The following SYCE1L variants were observed in gnomAD, a reference collection of about 807,000 sequenced individuals.
The protein encoded by SYCE1L is synaptonemal complex central element protein 1 like.
SYCE1L carries 51 observed loss-of-function variants against 39.6 expected under a neutral mutation model. The ratio of observed to expected loss-of-function variants is 1.29; its 90% CI spans 1.03 to 1.63. The LOEUF (loss-of-function observed/expected upper bound fraction) is 1.63, where lower values mean the gene tolerates loss of function less well. Ranked by LOEUF, SYCE1L falls within the 40% of genes most tolerant of loss-of-function variation. SYCE1L has a pLI of 0.00. For synonymous variants in SYCE1L, 147 were observed against 122.4 expected (o/e 1.20, Z -1.33); for missense variants, 426 against 304.9 (o/e 1.40, Z -2.96).
chr16:77,207,873 C>A (rs745679787), intron 2 of SYCE1L, among the ~76,000 whole-genome samples: 2 of 152,164 alleles, frequency 1.3e-5, no homozygotes, highest in Non-Finnish European at 2.9e-5. Flanking sequence ...CTCTTTACCC[C>A]CACAGAACTG....
At chr16:77,205,433 A>AATATATATATATATATATATATATAT (rs145238524) in intron 1 of SYCE1L, among the ~76,000 whole-genome samples, 1 of 145,260 alleles carries the variant, frequency 6.9e-6, no homozygotes, top group Non-Finnish European at 1.5e-5. Context: ...CATAGAAGTA[A>AATATATATATATATATATATATATAT]ATATATATAT....
intron 1 of SYCE1L, chr16:77,202,065 C>G (rs1359647015): frequency 1.3e-5 from 2 of 151,894 alleles, no homozygotes; most frequent in Non-Finnish European, 2.9e-5. Flanking sequence ...ATTTTTTCTT[C>G]TAGAAAAATG....
In SYCE1L at chr16:77,199,449, A is replaced by T; in HGVS notation, c.-3A>T. 8 of 1,551,456 alleles carry T rather than the reference A, an allele frequency of 5.2e-6. No individual in the cohort carries two copies. Among genetic ancestry groups the T allele is most frequent in the Non-Finnish European group, 7.0e-6 (8 of 1,146,916 alleles). On this transcript the variant is annotated 5_prime_UTR_variant, in exon 1 of 11. Coordinates refer to ENST00000378644, the MANE Select transcript of SYCE1L (RefSeq NM_001129979.3). ...GGCTCGCGCGCAGGCCCCGCGTTGGAAAATGGCGGGGAAGCTGAAACCTCT... is the reference window on the plus strand; with the variant it reads ...GGCTCGCGCGCAGGCCCCGCGTTGGTAAATGGCGGGGAAGCTGAAACCTCT...
At chr16:77,211,357 T>A (rs2054821332) in intron 7 of SYCE1L, 81 bp downstream of exon 7, 1 of 1,490,938 alleles carries the variant, frequency 6.7e-7, no homozygotes, top group Non-Finnish European at 9.2e-7. Flanking sequence ...AGTCCACCCC[T>A]GCCCAGGCTC....
At chr16:77,211,837 G>T (rs576879600) in intron 7 of SYCE1L, among the ~76,000 whole-genome samples, 1 of 152,244 alleles carries the variant, frequency 6.6e-6, no homozygotes, top group African/African-American at 2.4e-5. Context: ...CAGAAGGAAG[G>T]CCCTGGGGCT....
Position 77,203,421 on chromosome 16 carries a change from C to CA in SYCE1L, c.62-3010dup, listed in dbSNP as rs56384724. On this transcript the variant is annotated intron_variant, in intron 1 of 10. Coordinates refer to ENST00000378644, the MANE Select transcript of SYCE1L (RefSeq NM_001129979.3). The stretch of plus-strand genomic sequence containing the variant: ...TACTAATTTATAAAGGATTTCAGGC[C>CA]AAAAAAAAAAGATATAAAGAAGGTG... Among the ~76,000 whole-genome samples the CA allele has an allele frequency of 4.8e-3, 705 of 145,924 alleles. 7 individuals carry two copies. The highest frequency in any genetic ancestry group is 0.028 in the Admixed American group (417 of 14,676).
chr16:77,210,829 A>C (rs2054817280), intron 6 of SYCE1L, among the ~76,000 whole-genome samples: 1 of 151,898 alleles, frequency 6.6e-6, no homozygotes, highest in African/African-American at 2.4e-5. Context: ...CCCAACTCCC[A>C]CTCCTGCTGG....
In SYCE1L at chr16:77,211,339, T is replaced by A. The variant is rs531659304; in HGVS notation, c.423+63T>A. ...TCCCTGGCTTTAGTGTCGCACTGACTGGCCCAGAGTCCACCCCTGCCCAGG... is the reference window on the plus strand; with the variant it reads ...TCCCTGGCTTTAGTGTCGCACTGACAGGCCCAGAGTCCACCCCTGCCCAGG... On this transcript the variant is annotated intron_variant, in intron 7 of 10. Coordinates refer to ENST00000378644, the MANE Select transcript of SYCE1L (RefSeq NM_001129979.3). 30 of 1,537,808 alleles carry A rather than the reference T, an allele frequency of 2.0e-5. No individual in the cohort carries two copies. In the East Asian group the frequency reaches 6.6e-4, roughly 34 times the overall value.
At position 77,212,338 on chromosome 16, in the gene SYCE1L, G is replaced by A; in HGVS notation, c.550G>A (p.Glu184Lys). 6.6e-7 allele frequency: 1 copy of A among 1,525,718 alleles called. No homozygotes were observed. The highest frequency in any genetic ancestry group is 8.8e-7 in the Non-Finnish European group (1 of 1,138,306). The allele number at this position is 1,525,718 out of a possible 1,614,324, so 94.5% of individuals were successfully genotyped here. ...GGAGCGGCGGCTGCACTCGCCGCCTGAGGTCGAGGGCGCCATGGCGGTGAA... is the reference window on the plus strand; with the variant it reads ...GGAGCGGCGGCTGCACTCGCCGCCTAAGGTCGAGGGCGCCATGGCGGTGAA... Reference protein sequence around the residue: ...EVERRLHSPPEVEGAMAVNDG... With the variant: ...EVERRLHSPPKVEGAMAVNDG... The change falls in exon 9 of 11, where the codon GAG (glutamate) becomes AAG (lysine). Residue 184 changes from glutamate to lysine, a missense_variant. Physicochemically the swap from Glu to Lys is moderately conservative, Grantham distance 56 (BLOSUM62 1). Coordinates refer to ENST00000378644, the MANE Select transcript of SYCE1L (RefSeq NM_001129979.3).
intron 2 of SYCE1L, 134 bp from the exon 3 acceptor site, chr16:77,208,076 C>A: frequency 5.8e-6 from 5 of 860,780 alleles, no homozygotes; most frequent in East Asian, 5.3e-5. Context: ...GGGGCTCTGG[C>A]AGAGCTCAAC....
In SYCE1L at chr16:77,199,448, G is replaced by T; in HGVS notation, c.-4G>T. 1 of 1,551,530 alleles carries T rather than the reference G, an allele frequency of 6.4e-7. No individual in the cohort carries two copies. The highest frequency in any genetic ancestry group is 2.4e-5 in the East Asian group (1 of 40,912). On this transcript the variant is annotated 5_prime_UTR_variant, in exon 1 of 11. Coordinates refer to ENST00000378644, the MANE Select transcript of SYCE1L (RefSeq NM_001129979.3). ...AGGCTCGCGCGCAGGCCCCGCGTTG[G>T]AAAATGGCGGGGAAGCTGAAACCTC...
At chr16:77,199,655 A>AT (rs1417473223) in intron 1 of SYCE1L, 143 bp downstream of exon 1, 3 of 706,078 alleles carry the variant, frequency 4.2e-6, no homozygotes, top group Non-Finnish European at 7.0e-6. Context: ...AAGAAAAACA[A>AT]TTTTTTAACC....
chr16:77,213,169 T>C lies in SYCE1L; in HGVS notation c.*238T>C. 2.5e-6 allele frequency: 1 copy of C among 399,808 alleles called. No individual in the cohort carries two copies. Among genetic ancestry groups the C allele is most frequent in the Non-Finnish European group, 4.4e-6 (1 of 226,836 alleles). 24.8% of individuals were successfully genotyped at this position (399,808 alleles called of 1,614,324 possible). On this transcript the variant is annotated 3_prime_UTR_variant, in exon 11 of 11. Transcript: ENST00000378644. ...CTCAGAGAGAGTAAGTGGGTGTCAG[T>C]ATCCCCCGCCCCACGGCCTCATCTC... is the stretch of plus-strand genomic sequence containing the variant.
intron 2 of SYCE1L, among the ~76,000 whole-genome samples, chr16:77,207,855 C>G (rs1338433637): frequency 6.6e-6 from 1 of 152,124 alleles, no homozygotes; most frequent in Non-Finnish European, 1.5e-5. Context: ...ATGGGTCCCC[C>G]CTCCATACTC....
intron 3 of SYCE1L, 88 bp downstream of exon 3, chr16:77,208,357 A>C: frequency 6.5e-7 from 1 of 1,539,016 alleles, no homozygotes; most frequent in Non-Finnish European, 8.8e-7. Flanking sequence ...TATAAAATCT[A>C]GGCCCCTCTA....
chr16:77,211,697 T>C (rs74027186), intron 7 of SYCE1L, among the ~76,000 whole-genome samples: 2,586 of 152,128 alleles, frequency 0.017, 80 homozygotes, highest in African/African-American at 0.059. Context: ...CCCAAGCTGG[T>C]TGGGGACGGT....
chr16:77,209,325 C>G (rs931575244), intron 5 of SYCE1L, 92 bp from the exon 6 acceptor site: 133 of 1,432,942 alleles, frequency 9.3e-5, no homozygotes, highest in Non-Finnish European at 1.1e-4. Flanking sequence ...ACAGTGCCCT[C>G]CAATGCCTGA....
In SYCE1L at chr16:77,200,291, T is replaced by TATATATATATATATATATACAC; in HGVS notation, c.61+780_61+781insTATATATATATATATATACACA. 8.4e-3 allele frequency: 934 copies of TATATATATATATATATATACAC among 111,088 alleles called. 23 individuals carry two copies. Among genetic ancestry groups the TATATATATATATATATATACAC allele is most frequent in the African/African-American group, 0.029 (848 of 29,522 alleles). 6.9% of individuals were successfully genotyped at this position (111,088 alleles called of 1,614,324 possible). On this transcript the variant is annotated intron_variant, in intron 1 of 10. Transcript: ENST00000378644. ...ATATATGTGTATATATATATATATA[T>TATATATATATATATATATACAC]ACACACACTAATCAGCCGGGCGCGG...
chr16:77,204,201 A>C (rs2054768611), intron 1 of SYCE1L, among the ~76,000 whole-genome samples: 1 of 152,206 alleles, frequency 6.6e-6, no homozygotes, highest in South Asian at 2.1e-4. Flanking sequence ...TCCACCAGGT[A>C]GCGTCTAGGT....
Sources: allele counts gnomAD v4.1 joint callset (sites outside exome capture counted in the v4.1 genomes callset), GRCh38; gene constraint gnomAD v4.1.1; transcripts MANE v1.5; gene names NCBI Gene and HGNC (gene_info 2026-07-23, HGNC 2026-07-21).